The following UNC13C variants were observed in gnomAD, a reference collection of about 807,000 sequenced individuals.
The protein encoded by UNC13C is unc-13 homolog C, also known as protein unc-13 homolog C.
A neutral mutation model predicts 245.4 loss-of-function variants in UNC13C; 174 were observed. The ratio of observed to expected loss-of-function variants is 0.71; its 90% CI spans 0.63 to 0.80. The LOEUF is 0.80. Ranked by LOEUF, UNC13C falls within the 30% of genes least tolerant of loss-of-function variation. The pLI, the probability that UNC13C is intolerant of heterozygous loss-of-function variation, is 0.00. For missense variants in UNC13C, 2,829 were observed against 2,602.9 expected (o/e 1.09, Z -1.89); for synonymous variants, 992 against 895.1 (o/e 1.11, Z -1.93).
At chr15:53,910,415 G>T in the UNC13C span, among the ~76,000 whole-genome samples, 1 of 146,272 alleles carries the variant, frequency 6.8e-6, no homozygotes, top group African/African-American at 2.4e-5. Flanking sequence ...ACCTGTTTTT[G>T]TAAGTTCATA....
At chr15:53,922,331 G>A in the UNC13C span, among the ~76,000 whole-genome samples, 61 of 152,288 alleles carry the variant, frequency 4.0e-4, no homozygotes, top group Non-Finnish European at 7.1e-4. Context: ...ATGTTTAATC[G>A]ATATTAATAG....
intron 4 of UNC13C, among the ~76,000 whole-genome samples, chr15:54,178,892 ATAG>A (rs2141298422): frequency 6.6e-6 from 1 of 152,274 alleles, no homozygotes; most frequent in Admixed American, 6.5e-5. Flanking sequence ...CCTCAAACAC[ATAG>A]TTTATCATCT....
upstream of UNC13C, among the ~76,000 whole-genome samples, chr15:53,975,963 G>T (rs956271199): frequency 6.6e-6 from 1 of 152,162 alleles, no homozygotes; most frequent in African/African-American, 2.4e-5. Flanking sequence ...ACTTTGAAAA[G>T]CTCCGTAGAA....
chr15:53,947,484 A>C, the UNC13C span: 1 of 152,174 alleles, frequency 6.6e-6, no homozygotes, highest in Non-Finnish European at 1.5e-5. Context: ...TTTGAAGTTC[A>C]ATTCCTTTTG....
chr15:54,270,397 G>A (rs1316325620), intron 10 of UNC13C, among the ~76,000 whole-genome samples: 1 of 152,074 alleles, frequency 6.6e-6, no homozygotes, highest in African/African-American at 2.4e-5. Flanking sequence ...TAACTTCTGA[G>A]CTTTAGCTTG....
At chr15:54,241,130 G>A (rs2035840435) in intron 7 of UNC13C, among the ~76,000 whole-genome samples, 1 of 152,098 alleles carries the variant, frequency 6.6e-6, no homozygotes, top group Admixed American at 6.5e-5. Context: ...GAGGTTTATG[G>A]GAAACCAGGT....
intron 31 of UNC13C, 81 bp from the exon 32 acceptor site, chr15:54,623,714 G>T: frequency 1.5e-6 from 2 of 1,298,820 alleles, no homozygotes; most frequent in Non-Finnish European, 2.1e-6. Context: ...ATTAAGTTTT[G>T]GCTTCATAAA....
At chr15:54,150,000 C>T (rs1403037206) in intron 4 of UNC13C, among the ~76,000 whole-genome samples, 1 of 152,204 alleles carries the variant, frequency 6.6e-6, no homozygotes, top group East Asian at 1.9e-4. Flanking sequence ...TGGTCTCTGA[C>T]AGGGGATCCT....
chr15:54,129,661 T>A (rs1294644301), intron 2 of UNC13C, among the ~76,000 whole-genome samples: 1 of 151,726 alleles, frequency 6.6e-6, no homozygotes, highest in African/African-American at 2.4e-5. Context: ...AAATTATCCA[T>A]TTCCTTAAGT....
chr15:54,456,172 T>G (rs1891512301), intron 19 of UNC13C, among the ~76,000 whole-genome samples: 1 of 152,318 alleles, frequency 6.6e-6, no homozygotes, highest in Non-Finnish European at 1.5e-5. Context: ...GGATTTGGCC[T>G]CACTTCTGGG....
chr15:54,344,471 A>T (rs1186945104), intron 17 of UNC13C, among the ~76,000 whole-genome samples: 1 of 152,162 alleles, frequency 6.6e-6, no homozygotes, highest in South Asian at 2.1e-4. Context: ...TAGATCTTAG[A>T]TTTTATGCGA....
At chr15:54,613,565 C>T (rs1018848659) in intron 30 of UNC13C, among the ~76,000 whole-genome samples, 10 of 151,584 alleles carry the variant, frequency 6.6e-5, no homozygotes, top group Non-Finnish European at 1.2e-4. Context: ...ATCCATAAAC[C>T]GAGTATAAAG....
intron 32 of UNC13C, among the ~76,000 whole-genome samples, chr15:54,625,971 A>G (rs1236900485): frequency 1.3e-5 from 2 of 152,142 alleles, no homozygotes. Context: ...GATTCTCCCT[A>G]AAGTACAAAG....
chr15:53,889,242 G>C, the UNC13C span, among the ~76,000 whole-genome samples: 1 of 151,988 alleles, frequency 6.6e-6, no homozygotes, highest in Non-Finnish European at 1.5e-5. Flanking sequence ...AGTAGTTTGT[G>C]GTTCTCCTTG....
intron 2 of UNC13C, among the ~76,000 whole-genome samples, chr15:54,056,295 G>A (rs904529972): frequency 5.3e-5 from 8 of 152,216 alleles, no homozygotes; most frequent in African/African-American, 9.6e-5. Context: ...ACCATGGCAC[G>A]AGACCTACGT....
intron 10 of UNC13C, among the ~76,000 whole-genome samples, chr15:54,293,353 A>C (rs896572715): frequency 6.6e-6 from 1 of 152,008 alleles, no homozygotes; most frequent in African/African-American, 2.4e-5. Flanking sequence ...GATGGACTAG[A>C]ATGCACAGTT....
chr15:54,578,483 CT>C (rs1898057814), intron 30 of UNC13C, among the ~76,000 whole-genome samples: 1 of 152,148 alleles, frequency 6.6e-6, no homozygotes, highest in Non-Finnish European at 1.5e-5. Flanking sequence ...CAAGTGTTCC[CT>C]GTTACTTGCC....
At chr15:53,970,672 C>T in the UNC13C span, among the ~76,000 whole-genome samples, 1 of 151,930 alleles carries the variant, frequency 6.6e-6, no homozygotes, top group Admixed American at 6.6e-5. Flanking sequence ...CACACTGGGT[C>T]CTGTTTGGGG....
the UNC13C span, among the ~76,000 whole-genome samples, chr15:53,848,994 C>T: frequency 6.6e-6 from 1 of 151,770 alleles, no homozygotes; most frequent in Admixed American, 6.6e-5. Flanking sequence ...ATAACTTTTC[C>T]CATTACTCTT....
Sources: gnomAD v4.1 joint callset for allele counts (sites outside exome capture counted in the v4.1 genomes callset) on GRCh38, gnomAD v4.1.1 for gene constraint, MANE v1.5 for transcripts, NCBI Gene and HGNC (gene_info 2026-07-23, HGNC 2026-07-21) for gene names.